The following ATOSB variants were observed in gnomAD, a reference collection of about 807,000 sequenced individuals.
ATOSB encodes atos homolog B, also known as atos homolog protein B.
chr9:35,104,662 G>A, the ATOSB span: 2 of 407,704 alleles, frequency 4.9e-6, no homozygotes, highest in Non-Finnish European at 5.1e-6. Flanking sequence ...GAAGGACAGG[G>A]GAAGCTGAGT....
At chr9:35,104,526 C>CTG in the ATOSB span, 1 of 216,582 alleles carries the variant, frequency 4.6e-6, no homozygotes, top group Non-Finnish European at 1.1e-5. Flanking sequence ...TGGTTAACCC[C>CTG]TGTGTGTGTG....
chr9:35,108,571 C>A, the ATOSB span: 1 of 1,202,018 alleles, frequency 8.3e-7, no homozygotes. Context: ...GACACACTTC[C>A]CCCTCTTCTC....
chr9:35,106,932 C>T, the ATOSB span: 19 of 1,532,930 alleles, frequency 1.2e-5, no homozygotes, highest in Admixed American at 5.9e-5. The surrounding 1 kb of genome is among the most constrained non-coding windows in gnomAD (Gnocchi z 4.6). Context: ...AGGGTGAAGG[C>T]CATGTATGTT....
At chr9:35,110,394 G>A in the ATOSB span, 1 of 152,302 alleles carries the variant, frequency 6.6e-6, no homozygotes, top group South Asian at 2.1e-4. Context: ...CCCTGGGGAA[G>A]CCAGGGGATG....
At chr9:35,111,837 AG>A in the ATOSB span, among the ~76,000 whole-genome samples, 3 of 152,118 alleles carry the variant, frequency 2.0e-5, no homozygotes, top group Admixed American at 2.0e-4. Flanking sequence ...CGGAGTCCAA[AG>A]CAACACCCTG....
the ATOSB span, chr9:35,105,800 A>C: frequency 1.2e-6 from 2 of 1,614,034 alleles, no homozygotes; most frequent in African/African-American, 2.7e-5. The surrounding 1 kb of genome is among the most constrained non-coding windows in gnomAD (Gnocchi z 5.5). Flanking sequence ...GGCATGTCCG[A>C]GAAGTCAAAG....
chr9:35,114,778 G>A, the ATOSB span, among the ~76,000 whole-genome samples: 1 of 152,142 alleles, frequency 6.6e-6, no homozygotes, highest in Non-Finnish European at 1.5e-5. Context: ...AAGCCCTAGC[G>A]TTCCCTACCC....
chr9:35,111,021 T>G, the ATOSB span: 4 of 152,356 alleles, frequency 2.6e-5, no homozygotes, highest in African/African-American at 9.7e-5. Flanking sequence ...ACTTCTTCTC[T>G]CTTACCAACC....
At chr9:35,110,853 T>C in the ATOSB span, 1 of 152,224 alleles carries the variant, frequency 6.6e-6, no homozygotes, top group South Asian at 2.1e-4. Context: ...TCTACCATGA[T>C]CAAGGAGAGT....
chr9:35,108,430 T>C, the ATOSB span: 13 of 1,398,276 alleles, frequency 9.3e-6, no homozygotes, highest in East Asian at 3.6e-4. Context: ...GACCCTCTCC[T>C]TGCCTAAAGG....
At chr9:35,107,319 CAAAAAAAAAAAAAA>C in the ATOSB span, 28 of 1,161,264 alleles carry the variant, frequency 2.4e-5, no homozygotes, top group East Asian at 9.0e-5. Flanking sequence ...GATCCCATCT[CAAAAAAAAAAAAAA>C]AAAAAAAAAA....
chr9:35,107,660 C>A, the ATOSB span: 2 of 1,607,266 alleles, frequency 1.2e-6, no homozygotes, highest in Admixed American at 1.7e-5. Context: ...CCCCATTGCC[C>A]ACCCCAGCCA....
the ATOSB span, chr9:35,105,239 A>T: frequency 6.2e-7 from 1 of 1,613,530 alleles, no homozygotes; most frequent in Non-Finnish European, 8.5e-7. The surrounding 1 kb of genome is among the most constrained non-coding windows in gnomAD (Gnocchi z 5.5). Context: ...AAGGTGAATA[A>T]CGTGGATTAT....
chr9:35,113,312 G>A, the ATOSB span, among the ~76,000 whole-genome samples: 1 of 152,180 alleles, frequency 6.6e-6, no homozygotes, highest in South Asian at 2.1e-4. Context: ...TGTACCCTGG[G>A]AAAGCAGCAG....
At chr9:35,106,164 A>G in the ATOSB span, 6 of 1,569,444 alleles carry the variant, frequency 3.8e-6, no homozygotes, top group Admixed American at 5.2e-5. This position sits in a 1 kb window ranked among gnomAD's most constrained non-coding sequence, Gnocchi z 4.6. Context: ...GGTGAGGAAT[A>G]AGTAAGAAAT....
chr9:35,108,509 C>A, the ATOSB span: 1 of 1,239,804 alleles, frequency 8.1e-7, no homozygotes, highest in Admixed American at 3.8e-5. Context: ...AATATAGAGA[C>A]CACTCTCAGA....
the ATOSB span, chr9:35,105,517 C>A: frequency 1.8e-6 from 2 of 1,139,476 alleles, no homozygotes; most frequent in East Asian, 2.6e-5. The surrounding 1 kb of genome is among the most constrained non-coding windows in gnomAD (Gnocchi z 5.5). Context: ...CATAGCGAGA[C>A]CCCATCTCTA....
the ATOSB span, chr9:35,116,112 T>C: frequency 6.6e-6 from 1 of 150,884 alleles, no homozygotes; most frequent in East Asian, 2.0e-4. Flanking sequence ...CCACCCCCGA[T>C]CCCCGCCTCC....
the ATOSB span, chr9:35,105,408 C>G: frequency 6.3e-7 from 1 of 1,584,500 alleles, no homozygotes; most frequent in African/African-American, 1.3e-5. This position sits in a 1 kb window ranked among gnomAD's most constrained non-coding sequence, Gnocchi z 5.5. Context: ...CGTAAGAATC[C>G]AGGCTGGGTT....
Sources: gnomAD v4.1 joint callset for allele counts (sites outside exome capture counted in the v4.1 genomes callset) on GRCh38, gnomAD v4.1.1 for gene constraint, Gnocchi (gnomAD v3.1) non-coding constraint, MANE v1.5 for transcripts, NCBI Gene and HGNC (gene_info 2026-07-23, HGNC 2026-07-21) for gene names.